GALNT7: variants seen among roughly 807,000 people sequenced by gnomAD.
The protein encoded by GALNT7 is polypeptide N-acetylgalactosaminyltransferase 7.
A neutral mutation model predicts 82.1 loss-of-function variants in GALNT7; 60 were observed. The ratio of observed to expected loss-of-function variants is 0.73; its 90% CI spans 0.59 to 0.91. GALNT7 has a LOEUF of 0.91. GALNT7 is among the 40% of genes least tolerant of loss of function. The probability of loss-of-function intolerance (pLI) is 0.00; values close to 1 mark genes in which losing one functional copy is unlikely to be tolerated. For synonymous variants in GALNT7, 243 were observed against 275.1 expected (o/e 0.88, Z 1.15); for missense variants, 660 against 804.2 (o/e 0.82, Z 2.17).
chr4:173,259,860 A>G (rs933809281), intron 2 of GALNT7, among the ~76,000 whole-genome samples: 3 of 151,928 alleles, frequency 2.0e-5, no homozygotes, highest in Non-Finnish European at 4.4e-5. Flanking sequence ...CTGGTCTCGA[A>G]CTCTTGACCT....
At chr4:173,252,108 TG>T (rs1734867739) in intron 2 of GALNT7, among the ~76,000 whole-genome samples, 1 of 152,206 alleles carries the variant, frequency 6.6e-6, no homozygotes, top group Admixed American at 6.5e-5. Flanking sequence ...TAACCAACCA[TG>T]AATAAAAATC....
At chr4:173,183,865 G>A (rs1732368030) in intron 1 of GALNT7, among the ~76,000 whole-genome samples, 1 of 150,264 alleles carries the variant, frequency 6.7e-6, no homozygotes, top group South Asian at 2.1e-4. Context: ...GGGCGGAGAC[G>A]CTCATCACTT....
intron 2 of GALNT7, among the ~76,000 whole-genome samples, chr4:173,266,576 A>G (rs1284461388): frequency 1.3e-5 from 2 of 152,216 alleles, no homozygotes; most frequent in Non-Finnish European, 2.9e-5. Flanking sequence ...GAAGTATGTT[A>G]TCAATCCCAA....
chr4:173,178,052 T>TGTGCGCGC lies in GALNT7; in HGVS notation c.126+9092_126+9093insTGCGCGCG, dbSNP rs563102408. On this transcript the variant is annotated intron_variant, in intron 1 of 11. Transcript: ENST00000265000. ...GTGTGTGTGTGTGTGTGTGTGTGTG[T>TGTGCGCGC]GCGCGCACGCGCGTGCGCACAGACA... 5.7e-3 allele frequency among the ~76,000 whole-genome samples: 738 copies of TGTGCGCGC among 129,462 alleles called. 2 individuals are homozygous for TGTGCGCGC. The highest frequency in any genetic ancestry group is 6.0e-3 in the Non-Finnish European group (375 of 62,410). 84.9% of individuals were successfully genotyped at this position (129,462 alleles called of 152,430 possible). A position where few individuals can be genotyped will look rare whatever the true frequency, so the allele number is the denominator to read the frequency against.
intron 1 of GALNT7, among the ~76,000 whole-genome samples, chr4:173,226,384 GT>G (rs955754147): frequency 6.6e-6 from 1 of 151,732 alleles, no homozygotes; most frequent in African/African-American, 2.4e-5. Flanking sequence ...GTAACTTGCT[GT>G]TTTTTTTAAA....
chr4:173,290,153 C>A (rs1736482635), intron 2 of GALNT7, among the ~76,000 whole-genome samples: 1 of 151,884 alleles, frequency 6.6e-6, no homozygotes, highest in Non-Finnish European at 1.5e-5. Context: ...TATGCAAGGG[C>A]ATAGAGGTAT....
chr4:173,262,847 G>A (rs903841872), intron 2 of GALNT7, among the ~76,000 whole-genome samples: 30 of 151,994 alleles, frequency 2.0e-4, no homozygotes, highest in Non-Finnish European at 8.8e-5. Context: ...TACACTCAAG[G>A]GATTTAATAA....
At chr4:173,175,516 C>T (rs1275491310) in intron 1 of GALNT7, among the ~76,000 whole-genome samples, 1 of 152,224 alleles carries the variant, frequency 6.6e-6, no homozygotes, top group East Asian at 1.9e-4. Flanking sequence ...CAGACAAGTA[C>T]ACATGGGCTA....
At chr4:173,213,418 A>G (rs543800275) in intron 1 of GALNT7, among the ~76,000 whole-genome samples, 1 of 152,278 alleles carries the variant, frequency 6.6e-6, no homozygotes, top group South Asian at 2.1e-4. Flanking sequence ...AGAGTAAAGA[A>G]GAACTAGTCT....
chr4:173,256,122 T>A (rs1735026404), intron 2 of GALNT7, among the ~76,000 whole-genome samples: 1 of 152,112 alleles, frequency 6.6e-6, no homozygotes, highest in Admixed American at 6.6e-5. Flanking sequence ...GGGGAAAAAA[T>A]TCTCTTCTGC....
intron 2 of GALNT7, among the ~76,000 whole-genome samples, chr4:173,254,760 A>G (rs938509333): frequency 6.6e-5 from 10 of 152,188 alleles, no homozygotes; most frequent in Admixed American, 6.5e-4. Flanking sequence ...TTCAGACTAC[A>G]GTTTGGCAAT....
intron 2 of GALNT7, among the ~76,000 whole-genome samples, chr4:173,262,246 G>A (rs1458093581): frequency 6.6e-6 from 1 of 152,090 alleles, no homozygotes; most frequent in Non-Finnish European, 1.5e-5. Flanking sequence ...ACTAGTGGTA[G>A]TTTTTTAAAA....
At chr4:173,321,297 A>G (rs551728457) in intron 11 of GALNT7, among the ~76,000 whole-genome samples, 2 of 152,310 alleles carry the variant, frequency 1.3e-5, no homozygotes, top group African/African-American at 4.8e-5. Context: ...AACAAGAGAC[A>G]TAGATTTGGA....
chr4:173,259,168 GTTA>G (rs1735160384), intron 2 of GALNT7, among the ~76,000 whole-genome samples: 1 of 152,190 alleles, frequency 6.6e-6, no homozygotes, highest in African/African-American at 2.4e-5. Context: ...TTGAGGTAAT[GTTA>G]TGGGAGGAGG....
intron 1 of GALNT7, among the ~76,000 whole-genome samples, chr4:173,223,520 T>TA (rs1415002970): frequency 1.3e-5 from 2 of 152,144 alleles, no homozygotes; most frequent in Admixed American, 6.5e-5. Flanking sequence ...TGCATTTTGT[T>TA]ATGCATATTT....
chr4:173,175,014 C>T (rs1731991292), intron 1 of GALNT7, among the ~76,000 whole-genome samples: 1 of 152,168 alleles, frequency 6.6e-6, no homozygotes, highest in Non-Finnish European at 1.5e-5. Flanking sequence ...AAGCAAAATT[C>T]TGAGCTTGAG....
At chr4:173,184,976 C>T (rs1385924915) in intron 1 of GALNT7, among the ~76,000 whole-genome samples, 2 of 152,182 alleles carry the variant, frequency 1.3e-5, no homozygotes, top group East Asian at 1.9e-4. Context: ...ATTTCTGGTA[C>T]TATCCATTTA....
intron 1 of GALNT7, among the ~76,000 whole-genome samples, chr4:173,239,626 C>T (rs549006797): frequency 4.7e-4 from 72 of 152,260 alleles, no homozygotes; most frequent in African/African-American, 1.7e-3. Flanking sequence ...GGAGCTGGTT[C>T]CTGAGTTTAA....
intron 1 of GALNT7, among the ~76,000 whole-genome samples, chr4:173,172,574 C>G (rs1280670129): frequency 6.6e-6 from 1 of 152,198 alleles, no homozygotes; most frequent in Non-Finnish European, 1.5e-5. Context: ...TGACCATCAC[C>G]TGATGGCCGC....
Sources: allele counts gnomAD v4.1 joint callset (sites outside exome capture counted in the v4.1 genomes callset), GRCh38; gene constraint gnomAD v4.1.1; transcripts MANE v1.5; gene names NCBI Gene and HGNC (gene_info 2026-07-23, HGNC 2026-07-21).